Variants in BMP2K observed in about 807,000 individuals in gnomAD.
BMP2K encodes the protein BMP-2-inducible protein kinase.
A neutral mutation model predicts 116.0 loss-of-function variants in BMP2K; 74 were observed. The observed-to-expected ratio is 0.64, with a 90% confidence interval of 0.53 to 0.77. The LOEUF (loss-of-function observed/expected upper bound fraction) is 0.77. BMP2K is among the 30% of genes least tolerant of loss of function. The pLI is 0.00. For synonymous variants in BMP2K, 486 were observed against 502.5 expected (o/e 0.97, Z 0.44); for missense variants, 1,365 against 1,403.6 (o/e 0.97, Z 0.44).
chr4:78,839,359 A>G (rs1016324255), intron 3 of BMP2K, among the ~76,000 whole-genome samples: 3 of 152,214 alleles, frequency 2.0e-5, no homozygotes, highest in Admixed American at 6.5e-5. Flanking sequence ...CTTAAGGCCT[A>G]GTCTTGGGAC....
At chr4:78,890,171 T>C (rs1207488862) in intron 15 of BMP2K, among the ~76,000 whole-genome samples, 1 of 151,258 alleles carries the variant, frequency 6.6e-6, no homozygotes, top group South Asian at 2.1e-4. Flanking sequence ...AGATTTGAAA[T>C]GGAAAAAAAA....
At chr4:78,788,635 T>A (rs1442765017) in intron 1 of BMP2K, among the ~76,000 whole-genome samples, 1 of 152,078 alleles carries the variant, frequency 6.6e-6, no homozygotes, top group Non-Finnish European at 1.5e-5. Context: ...GTAGCTGTTA[T>A]GGGTTTTATA....
chr4:78,856,902 C>T (rs892520198), intron 7 of BMP2K, among the ~76,000 whole-genome samples: 1 of 152,084 alleles, frequency 6.6e-6, no homozygotes, highest in Admixed American at 6.6e-5. Context: ...GAAAGATCAT[C>T]AGAGATTGAT....
chr4:78,785,404 G>A (rs1727683874), intron 1 of BMP2K, among the ~76,000 whole-genome samples: 1 of 152,096 alleles, frequency 6.6e-6, no homozygotes, highest in African/African-American at 2.4e-5. Context: ...GAGCCACTGC[G>A]CCCGGCCTAA....
At chr4:78,854,170 T>G (rs915015948) in intron 7 of BMP2K, among the ~76,000 whole-genome samples, 10 of 151,052 alleles carry the variant, frequency 6.6e-5, no homozygotes, top group African/African-American at 2.4e-4. Context: ...AAGCTTTTTT[T>G]TTTTTTTTTT....
intron 1 of BMP2K, among the ~76,000 whole-genome samples, chr4:78,806,726 A>G (rs2109964795): frequency 6.6e-6 from 1 of 152,164 alleles, no homozygotes; most frequent in East Asian, 1.9e-4. Context: ...ACCATTAAGT[A>G]TAATGTTAGC....
intron 7 of BMP2K, among the ~76,000 whole-genome samples, chr4:78,857,651 A>C (rs1028132125): frequency 6.6e-6 from 1 of 152,114 alleles, no homozygotes; most frequent in East Asian, 1.9e-4. Context: ...CATGGCATTT[A>C]GGCCACTAGT....
At chr4:78,874,984 G>C (rs1203689893) in intron 13 of BMP2K, among the ~76,000 whole-genome samples, 1 of 152,172 alleles carries the variant, frequency 6.6e-6, no homozygotes, top group East Asian at 1.9e-4. Flanking sequence ...ATCTGGGAAA[G>C]TGCATAAGAC....
chr4:78,887,937 C>T (rs1025497310), intron 15 of BMP2K: 1 of 152,148 alleles, frequency 6.6e-6, no homozygotes, highest in Non-Finnish European at 1.5e-5. Context: ...GGTAAAAGTT[C>T]GATATATTCA....
intron 2 of BMP2K, among the ~76,000 whole-genome samples, chr4:78,828,911 G>A (rs1730014239): frequency 6.6e-6 from 1 of 152,204 alleles, no homozygotes; most frequent in African/African-American, 2.4e-5. Flanking sequence ...GGGCGGGGTA[G>A]CTGTGGAAGT....
chr4:78,839,190 A>T (rs1216313960), intron 3 of BMP2K, among the ~76,000 whole-genome samples: 2 of 152,164 alleles, frequency 1.3e-5, no homozygotes, highest in Non-Finnish European at 2.9e-5. Flanking sequence ...AGATTTTGGC[A>T]GGGCTTTCTC....
intron 10 of BMP2K, among the ~76,000 whole-genome samples, chr4:78,870,485 T>C (rs988163882): frequency 6.1e-4 from 93 of 152,194 alleles, no homozygotes; most frequent in African/African-American, 2.1e-3. Flanking sequence ...GTACATGATA[T>C]TGTTGAGCAG....
At chr4:78,907,168 T>C (rs931672480) in intron 15 of BMP2K, among the ~76,000 whole-genome samples, 1 of 152,200 alleles carries the variant, frequency 6.6e-6, no homozygotes, top group African/African-American at 2.4e-5. Flanking sequence ...AATAATAGAC[T>C]GTTGATACCT....
intron 15 of BMP2K, among the ~76,000 whole-genome samples, chr4:78,892,561 T>A (rs573926236): frequency 5.0e-4 from 76 of 152,330 alleles, no homozygotes; most frequent in South Asian, 2.9e-3. Context: ...CTAAAATTTT[T>A]ATGTTTTCTT....
intron 15 of BMP2K, among the ~76,000 whole-genome samples, chr4:78,897,172 G>A (rs1009888352): frequency 6.6e-6 from 1 of 150,598 alleles, no homozygotes; most frequent in Admixed American, 6.6e-5. Context: ...TTTTTTGAGA[G>A]CAGCTTAAGA....
intron 1 of BMP2K, among the ~76,000 whole-genome samples, chr4:78,794,713 C>T (rs1436306299): frequency 6.6e-6 from 1 of 152,116 alleles, no homozygotes; most frequent in Non-Finnish European, 1.5e-5. Context: ...CAGGCATGTG[C>T]CACTGCACCT....
chr4:78,878,395 C>T (rs748710207), intron 13 of BMP2K, among the ~76,000 whole-genome samples: 2 of 152,038 alleles, frequency 1.3e-5, no homozygotes, highest in Admixed American at 6.6e-5. Flanking sequence ...CTTTGCTTTA[C>T]GTGTATTAAA....
chr4:78,827,646 C>T (rs1729939622), intron 2 of BMP2K, among the ~76,000 whole-genome samples: 1 of 152,044 alleles, frequency 6.6e-6, no homozygotes, highest in African/African-American at 2.4e-5. Flanking sequence ...TACTTTAATG[C>T]ACCCCTCAAA....
At chr4:78,806,198 A>AT (rs577893377) in intron 1 of BMP2K, among the ~76,000 whole-genome samples, 50 of 148,102 alleles carry the variant, frequency 3.4e-4, no homozygotes, top group Non-Finnish European at 2.2e-4. Context: ...TTTTAGGATA[A>AT]TTTTTTTTTT....
Sources: gnomAD v4.1 joint callset for allele counts (sites outside exome capture counted in the v4.1 genomes callset) on GRCh38, gnomAD v4.1.1 for gene constraint, MANE v1.5 for transcripts, NCBI Gene and HGNC (gene_info 2026-07-23, HGNC 2026-07-21) for gene names.